The following DNAH17 variants were observed in gnomAD, a reference collection of about 807,000 sequenced individuals.
The protein encoded by DNAH17 is axonemal beta dynein heavy chain 17.
Under a neutral mutation model 485.6 loss-of-function variants are expected in DNAH17, and 376 were observed. The ratio of observed to expected loss-of-function variants is 0.77; its 90% CI spans 0.71 to 0.84. The LOEUF is 0.84. DNAH17 is among the 40% of genes least tolerant of loss of function. The pLI is 0.00. For missense variants in DNAH17, 6,370 were observed against 5,839.3 expected (o/e 1.09, Z -2.96); for synonymous variants, 3,031 against 2,405.9 (o/e 1.26, Z -7.60).
At chr17:78,542,067 G>A (rs2091607235) in intron 17 of DNAH17, among the ~76,000 whole-genome samples, 1 of 151,156 alleles carries the variant, frequency 6.6e-6, no homozygotes, top group Admixed American at 6.6e-5. Flanking sequence ...TAGATGATGT[G>A]ACTCATCATT....
rs1198566342 is a variant in DNAH17 at position 78,515,126 on chromosome 17, T to TG, written c.3865-105dup. 2.9e-6 allele frequency: 4 copies of TG among 1,356,990 alleles called. No individual in the cohort carries two copies. The East Asian group carries it at 9.6e-5, about 33-fold the overall frequency. 84.1% of individuals were successfully genotyped at this position (1,356,990 alleles called of 1,614,324 possible). ...CTTACTCGCAGGGAGCAAAGCCCAG[T>TG]GAGGAATATTTAGAACTAATACCCG... On this transcript the variant is annotated intron_variant, in intron 25 of 80. Transcript: ENST00000389840.
intron 32 of DNAH17, 36 bp from the exon 33 acceptor site, chr17:78,502,734 G>C (rs562559200): frequency 6.2e-7 from 1 of 1,601,426 alleles, no homozygotes; most frequent in African/African-American, 1.3e-5. Context: ...CACGCAGTGA[G>C]CGATCGCTGG....
intron 17 of DNAH17, 37 bp from the exon 18 acceptor site, chr17:78,539,917 T>C: frequency 1.3e-6 from 2 of 1,525,046 alleles, no homozygotes; most frequent in East Asian, 2.4e-5. Context: ...CTCACTTCAC[T>C]GGCTGTGCTT....
At chr17:78,485,788 G>C (rs770400626) in intron 46 of DNAH17, 31 bp from the exon 47 acceptor site, 51 of 1,606,726 alleles carry the variant, frequency 3.2e-5, no homozygotes, top group South Asian at 1.3e-4. Flanking sequence ...GGAGGGAGCT[G>C]TGATTCTCAG....
intron 56 of DNAH17, among the ~76,000 whole-genome samples, chr17:78,465,133 T>C (rs1369714808): frequency 2.0e-5 from 3 of 152,212 alleles, no homozygotes; most frequent in Non-Finnish European, 4.4e-5. Flanking sequence ...GGTTTCGCTG[T>C]GTTGCCCAGG....
chr17:78,503,043 C>A, intron 31 of DNAH17, 32 bp from the exon 32 acceptor site: 1 of 1,592,832 alleles, frequency 6.3e-7, no homozygotes, highest in South Asian at 1.1e-5. Context: ...ACCAATACAG[C>A]CATGTGTGCC....
intron 54 of DNAH17, chr17:78,472,609 G>A (rs1001530581): frequency 2.3e-5 from 9 of 387,004 alleles, no homozygotes; most frequent in African/African-American, 4.3e-5. Flanking sequence ...ACTCCCCACC[G>A]CCTGGCCCCG....
Position 78,495,987 on chromosome 17 carries a change from T to G in DNAH17, c.5791A>C (p.Asn1931His). Reference sequence around the variant, plus strand: ...AGGCCTATGATCTCTCCCAGGAAATTGAATGCTTTTTTCTTGGCCCGAATT... The same window carrying G: ...AGGCCTATGATCTCTCCCAGGAAATGGAATGCTTTTTTCTTGGCCCGAATT... ...DAIRAKKKAF[N>H]FLGEIIGLIP... The change falls in exon 38 of 81, where the codon AAT becomes CAT. Residue 1931 changes from asparagine (N) to histidine (H), a missense_variant. Asn to His is a moderately conservative substitution (Grantham distance 68, BLOSUM62 1). Transcript: ENST00000389840. 6.2e-7 allele frequency: 1 copy of G among 1,613,826 alleles called. No individual in the cohort carries two copies. The highest frequency in any genetic ancestry group is 8.5e-7 in the Non-Finnish European group (1 of 1,179,816).
At chr17:78,537,084 A>G (rs1023652521) in intron 19 of DNAH17, among the ~76,000 whole-genome samples, 1 of 151,460 alleles carries the variant, frequency 6.6e-6, no homozygotes, top group African/African-American at 2.4e-5. Flanking sequence ...ACGCTGAGGC[A>G]GGAGAATGGC....
At chr17:78,527,387 AAAAAAC>A (rs1312823619) in intron 22 of DNAH17, among the ~76,000 whole-genome samples, 1 of 152,106 alleles carries the variant, frequency 6.6e-6, no homozygotes. Flanking sequence ...CCCTGTCTCA[AAAAAAC>A]AAAAACAAAA....
In DNAH17 at chr17:78,500,263, A is replaced by C. The variant is rs35886523; in HGVS notation, c.5640+42T>G. On this transcript the variant is annotated intron_variant, in intron 36 of 80. Transcript: ENST00000389840. Reference sequence around the variant, plus strand: ...CAGGGTGCTAGGATCTGCTTCTATAAAAGAAGACTCTGGGTCCCTCCTCCG... The same window carrying C: ...CAGGGTGCTAGGATCTGCTTCTATACAAGAAGACTCTGGGTCCCTCCTCCG... 0.028 allele frequency: 43,751 copies of C among 1,568,968 alleles called. 680 individuals carry two copies. The highest frequency in any genetic ancestry group is 0.031 in the Non-Finnish European group (36,392 of 1,160,240).
At chr17:78,450,903 G>GGGCCTCCCTCAGGT in intron 66 of DNAH17, 57 bp from the exon 67 acceptor site, 2 of 1,591,292 alleles carry the variant, frequency 1.3e-6, no homozygotes, top group East Asian at 4.5e-5. Flanking sequence ...CCGGGCACCC[G>GGGCCTCCCTCAGGT]GGCCTCCCTC....
In DNAH17 at chr17:78,426,577, G is replaced by A. The variant is rs374079255; in HGVS notation, c.12795C>T (p.Asp4265=). Residue 4265 remains aspartate, a synonymous_variant, in exon 79 of 81, where the codon GAC becomes GAT. Coordinates refer to ENST00000389840, the MANE Select transcript of DNAH17 (RefSeq NM_173628.4). ...GLKGELTITT[D]VEDLSTALFY... is the part of the protein sequence containing the mutation. ...AGAGAGCCGTGGACAGATCTTCCAC[G>A]TCGGTCGTGATGGTCAGTTCTCCCT... is the stretch of plus-strand genomic sequence containing the variant. 79 of 1,611,466 alleles carry A rather than the reference G, an allele frequency of 4.9e-5. No individual in the cohort carries two copies. The highest frequency in any genetic ancestry group is 4.4e-4 in the Admixed American group (26 of 59,716).
chr17:78,454,832 A>G, intron 63 of DNAH17, 127 bp from the exon 64 acceptor site: 1 of 758,886 alleles, frequency 1.3e-6, no homozygotes, highest in Non-Finnish European at 2.1e-6. Flanking sequence ...GACCTGGGAG[A>G]AGCCAGCCAT....
In DNAH17 at chr17:78,516,067, G is replaced by C. The variant is rs569642588; in HGVS notation, c.3865-1045C>G. Among the ~76,000 whole-genome samples, 208 of 152,322 alleles carry C rather than the reference G, an allele frequency of 1.4e-3. 1 individual carries two copies. Among genetic ancestry groups the C allele is most frequent in the Non-Finnish European group, 2.4e-3 (166 of 68,034 alleles). ...ACTTACAGTGAGAAGATCTGGACTT[G>C]AGAAACATCTGAGCTTGAGAACGTA... is the stretch of plus-strand genomic sequence containing the variant. On this transcript the variant is annotated intron_variant, in intron 25 of 80. Transcript: ENST00000389840.
At chr17:78,439,539 G>A (rs553955271) in intron 72 of DNAH17, among the ~76,000 whole-genome samples, 2 of 152,102 alleles carry the variant, frequency 1.3e-5, no homozygotes, top group South Asian at 4.2e-4. Flanking sequence ...TGTCTCCATG[G>A]ATTTATCCAT....
At chr17:78,556,516 G>A (rs1450403023) in intron 14 of DNAH17, among the ~76,000 whole-genome samples, 1 of 152,184 alleles carries the variant, frequency 6.6e-6, no homozygotes, top group African/African-American at 2.4e-5. Flanking sequence ...AACAGGAAAT[G>A]AACAGTGTCC....
Position 78,453,310 on chromosome 17 carries a change from C to A in DNAH17, c.10529+33G>T, listed in dbSNP as rs138666247. 9.3e-5 allele frequency: 150 copies of A among 1,608,316 alleles called. No homozygotes were observed. The African/African-American group carries it at 1.9e-3, about 20-fold the overall frequency. ...AGGCCTCGGGCCTGAAGATGTTTACCTGGCTCAAGCCACGGAGGCGGAAAC... is the reference window on the plus strand; with the variant it reads ...AGGCCTCGGGCCTGAAGATGTTTACATGGCTCAAGCCACGGAGGCGGAAAC... On this transcript the variant is annotated intron_variant, in intron 65 of 80. Coordinates refer to ENST00000389840, the MANE Select transcript of DNAH17 (RefSeq NM_173628.4).
chr17:78,497,985 A>C (rs2090134146), intron 37 of DNAH17, among the ~76,000 whole-genome samples: 1 of 152,078 alleles, frequency 6.6e-6, no homozygotes, highest in Non-Finnish European at 1.5e-5. Flanking sequence ...TCTACTAAAA[A>C]TACAAAATTA....
Sources: allele counts gnomAD v4.1 joint callset (sites outside exome capture counted in the v4.1 genomes callset), GRCh38; gene constraint gnomAD v4.1.1; transcripts MANE v1.5; gene names NCBI Gene and HGNC (gene_info 2026-07-23, HGNC 2026-07-21).